SPINK9: variants seen among roughly 807,000 people sequenced by gnomAD.
The protein encoded by SPINK9 is serine peptidase inhibitor Kazal type 9, also known as serine protease inhibitor Kazal-type 9.
In SPINK9, 3 loss-of-function variants were observed where a neutral mutation model predicts 10.8. The ratio of observed to expected loss-of-function variants is 0.28; its 90% CI spans 0.13 to 0.72. SPINK9 has a LOEUF of 0.72. SPINK9 is among the 30% of genes least tolerant of loss of function. The pLI is 0.74. For synonymous variants in SPINK9, 30 were observed against 31.2 expected (o/e 0.96, Z 0.12); for missense variants, 101 against 103.2 (o/e 0.98, Z 0.09).
chr5:148,330,401 C>T (rs1269381101), intron 2 of SPINK9, among the ~76,000 whole-genome samples: 1 of 152,120 alleles, frequency 6.6e-6, no homozygotes, highest in Non-Finnish European at 1.5e-5. Flanking sequence ...ATGTGTTTGT[C>T]TGCACGTGAG....
chr5:148,322,200 A>C lies in SPINK9; in HGVS notation c.-73+800A>C, dbSNP rs1027485053. On this transcript the variant is annotated intron_variant, in intron 1 of 4. Coordinates refer to the SPINK9 transcript ENST00000511717. ...AAAGCTTGCAGGTAAATTGTAATAG[A>C]TATATTGATATGACACAGGTATACT... Among the ~76,000 whole-genome samples the C allele has an allele frequency of 2.0e-5, 3 of 152,192 alleles. No homozygotes were observed. In the East Asian group the frequency reaches 5.8e-4, roughly 29 times the overall value.
intron 3 of SPINK9, 72 bp from the exon 4 acceptor site, chr5:148,339,595 A>G: frequency 1.5e-6 from 2 of 1,327,088 alleles, no homozygotes; most frequent in Non-Finnish European, 2.2e-6. Flanking sequence ...GGGATTCATT[A>G]GTGAAGTTTG....
At chr5:148,338,442 T>C (rs1249086708) in intron 2 of SPINK9, 36 bp from the exon 3 acceptor site, 2 of 1,565,518 alleles carry the variant, frequency 1.3e-6, no homozygotes, top group Non-Finnish European at 8.6e-7. Flanking sequence ...AAAGATTTGG[T>C]TGAAAGAGTT....
chr5:148,330,359 T>C (rs1292274148), intron 2 of SPINK9, among the ~76,000 whole-genome samples: 2 of 152,222 alleles, frequency 1.3e-5, no homozygotes, highest in African/African-American at 4.8e-5. Context: ...ATTTGCTTGG[T>C]AGATCTTCCT....
upstream of SPINK9, among the ~76,000 whole-genome samples, chr5:148,330,624 G>A (rs971736319): frequency 1.8e-4 from 27 of 152,182 alleles, no homozygotes; most frequent in Non-Finnish European, 2.4e-4. Flanking sequence ...AATTTGGCAT[G>A]TTTTTGCAGT....
chr5:148,333,558 G>A (rs992062533), upstream of SPINK9, among the ~76,000 whole-genome samples: 1 of 152,188 alleles, frequency 6.6e-6, no homozygotes, highest in Non-Finnish European at 1.5e-5. Flanking sequence ...TAGGATGAAG[G>A]TGGTAACTAT....
chr5:148,338,754 G>C (rs1757250719), intron 3 of SPINK9, 149 bp downstream of exon 3: 1 of 524,330 alleles, frequency 1.9e-6, no homozygotes, highest in Admixed American at 4.0e-5. Flanking sequence ...GAATTTGGGA[G>C]TCCCTGATAT....
chr5:148,339,476 G>A (rs1757261352), intron 3 of SPINK9, among the ~76,000 whole-genome samples, 191 bp from the exon 4 acceptor site: 1 of 151,974 alleles, frequency 6.6e-6, no homozygotes, highest in African/African-American at 2.4e-5. Context: ...AAATTGTGAT[G>A]TATTTGAGCA....
intron 2 of SPINK9, among the ~76,000 whole-genome samples, chr5:148,326,755 C>T (rs1195965556): frequency 1.3e-5 from 2 of 151,824 alleles, no homozygotes; most frequent in African/African-American, 2.4e-5. Context: ...TGAGTGAGAA[C>T]ATGCGGTGTT....
At chr5:148,325,753 A>AT (rs1757050956) in intron 2 of SPINK9, among the ~76,000 whole-genome samples, 1 of 152,140 alleles carries the variant, frequency 6.6e-6, no homozygotes, top group Non-Finnish European at 1.5e-5. Context: ...TTTACCTATT[A>AT]TATCTTTTGT....
At chr5:148,325,650 G>C (rs925661777) in intron 2 of SPINK9, among the ~76,000 whole-genome samples, 4 of 151,982 alleles carry the variant, frequency 2.6e-5, no homozygotes, top group Admixed American at 6.6e-5. Context: ...CTAGATACCA[G>C]TGTCTCATAA....
At chr5:148,327,934 T>G (rs1757088287) in intron 2 of SPINK9, among the ~76,000 whole-genome samples, 1 of 151,846 alleles carries the variant, frequency 6.6e-6, no homozygotes, top group Non-Finnish European at 1.5e-5. Flanking sequence ...TGAAGTCAGG[T>G]AGCATGATGC....
chr5:148,324,589 C>G (rs571060602), intron 2 of SPINK9, among the ~76,000 whole-genome samples: 1 of 152,082 alleles, frequency 6.6e-6, no homozygotes, highest in Admixed American at 6.6e-5. Flanking sequence ...CAGACAAACT[C>G]AAATTCAGAA....
At chr5:148,321,504 T>A (rs995853893) in intron 1 of SPINK9, 1 of 151,126 alleles carries the variant, frequency 6.6e-6, no homozygotes, top group Non-Finnish European at 1.5e-5. Context: ...TTTTTTTTTT[T>A]TTAACAAACG....
chr5:148,323,540 A>G (rs1169387310), intron 1 of SPINK9: 3 of 388,362 alleles, frequency 7.7e-6, no homozygotes, highest in East Asian at 8.1e-5. Flanking sequence ...ATTTCTTACA[A>G]TGACATATAT....
chr5:148,321,916 A>T (rs1043866076), intron 1 of SPINK9, among the ~76,000 whole-genome samples: 1 of 151,960 alleles, frequency 6.6e-6, no homozygotes, highest in Non-Finnish European at 1.5e-5. Flanking sequence ...AGCCCTAGCA[A>T]TTTTTTTTGT....
chr5:148,323,786 T>C (rs1261075113), exon 2 of SPINK9: 6 of 701,336 alleles, frequency 8.6e-6, no homozygotes, highest in Non-Finnish European at 1.3e-5. Flanking sequence ...ATTGTTTTCA[T>C]TATAAAACTC....
chr5:148,336,487 A>G (rs2113423143), intron 2 of SPINK9, 34 bp downstream of exon 2: 1 of 1,601,924 alleles, frequency 6.2e-7, no homozygotes, highest in African/African-American at 1.3e-5. Context: ...ATGTAATTTT[A>G]AAGTCAATAT....
intron 2 of SPINK9, 97 bp downstream of exon 2, chr5:148,336,550 T>A: frequency 7.8e-7 from 1 of 1,288,218 alleles, no homozygotes; most frequent in East Asian, 2.3e-5. Context: ...TATGTTTGAA[T>A]ATTTACTTTA....
Sources: gnomAD v4.1 joint callset for allele counts (sites outside exome capture counted in the v4.1 genomes callset) on GRCh38, gnomAD v4.1.1 for gene constraint, MANE v1.5 for transcripts, NCBI Gene and HGNC (gene_info 2026-07-23, HGNC 2026-07-21) for gene names.